CTDP1: variants seen among roughly 807,000 people sequenced by gnomAD.
CTDP1 encodes the protein RNA polymerase II subunit A C-terminal domain phosphatase.
A neutral mutation model predicts 91.8 loss-of-function variants in CTDP1; 47 were observed. The ratio of observed to expected loss-of-function variants is 0.51; its 90% confidence interval spans 0.41 to 0.65. The LOEUF (loss-of-function observed/expected upper bound fraction) is 0.65, where lower values mean the gene tolerates loss of function less well. Among genes scored for constraint, CTDP1 ranks in the 30% least tolerant of loss-of-function variants. The pLI is 0.00. For missense variants in CTDP1, 1,272 were observed against 1,373.7 expected (o/e 0.93, Z 1.17); for synonymous variants, 656 against 598.5 (o/e 1.10, Z -1.40).
intron 12 of CTDP1, among the ~76,000 whole-genome samples, chr18:79,742,408 C>T (rs1048164462): frequency 2.0e-5 from 3 of 152,206 alleles, no homozygotes; most frequent in African/African-American, 7.2e-5. Context: ...ACCCAGGCCC[C>T]TGTATCCAGC....
chr18:79,736,420 G>C lies in CTDP1; in HGVS notation c.2646G>C (p.Gln882His), dbSNP rs2086667603. The C allele has an allele frequency of 4.5e-6, 7 of 1,549,366 alleles. No individual in the cohort carries two copies. The highest frequency in any genetic ancestry group is 6.1e-6 in the Non-Finnish European group (7 of 1,146,994). ...SDSEKRRPEE[Q>H]EEEPQPRKPG... is the part of the protein sequence containing the mutation. Reference sequence around the variant, plus strand: ...GCGAGAAGAGGAGGCCTGAGGAGCAGGAGGAGGAGCCCCAGCCCCGGAAGC... The same window carrying C: ...GCGAGAAGAGGAGGCCTGAGGAGCACGAGGAGGAGCCCCAGCCCCGGAAGC... The change falls in exon 12 of 13, where the codon CAG becomes CAC. Residue 882 changes from glutamine (Q) to histidine (H), a missense_variant. Physicochemically the swap from Gln to His is conservative, Grantham distance 24. Around this residue, in one of 3 missense-constraint regions of CTDP1, gnomAD observed 881 missense variants for 911.6 expected, o/e 0.97. Transcript: ENST00000613122.
intron 10 of CTDP1, among the ~76,000 whole-genome samples, chr18:79,728,003 G>T (rs1192043810): frequency 6.6e-6 from 1 of 152,204 alleles, no homozygotes; most frequent in African/African-American, 2.4e-5. Flanking sequence ...TTTGAACATA[G>T]CAGAAAGATC....
In CTDP1 at chr18:79,698,172, T is replaced by C. The variant is rs116739591; in HGVS notation, c.621+184T>C. Among the ~76,000 whole-genome samples, 2,878 of 152,340 alleles carry C rather than the reference T, an allele frequency of 0.019. 100 individuals are homozygous for C. Among genetic ancestry groups the C allele is most frequent in the African/African-American group, 0.065 (2,718 of 41,570 alleles). On this transcript the variant is annotated intron_variant, in intron 4 of 12. Coordinates refer to ENST00000613122, the MANE Select transcript of CTDP1 (RefSeq NM_004715.5). ...TGGGCTGTTGGGGAGCATCCGCGGC[T>C]CCCGGGCAGACATCCCGACGCCCAC...
intron 8 of CTDP1, among the ~76,000 whole-genome samples, chr18:79,716,184 C>G (rs2086204861): frequency 2.0e-5 from 3 of 152,178 alleles, no homozygotes; most frequent in African/African-American, 7.2e-5. Context: ...ATGAAGATTG[C>G]GGTTTTTCTC....
intron 6 of CTDP1, among the ~76,000 whole-genome samples, chr18:79,712,634 G>A (rs949425464): frequency 1.3e-5 from 2 of 152,212 alleles, no homozygotes; most frequent in Admixed American, 1.3e-4. Flanking sequence ...ACCCAGCCTT[G>A]TTTGTACATG....
At chr18:79,719,029 G>C (rs755653444) in intron 10 of CTDP1, among the ~76,000 whole-genome samples, 4 of 152,206 alleles carry the variant, frequency 2.6e-5, no homozygotes, top group Non-Finnish European at 5.9e-5. Flanking sequence ...TCAGGAGCAG[G>C]GGTGGCCAGG....
In CTDP1 at chr18:79,715,132, TCA is replaced by T; in HGVS notation, c.1675_1676del (p.Gln559GlufsTer11). 1.2e-6 allele frequency: 2 copies of T among 1,613,258 alleles called. No homozygotes were observed. Among genetic ancestry groups the T allele is most frequent in the Non-Finnish European group, 1.7e-6 (2 of 1,179,894 alleles). On this transcript the variant is annotated frameshift_variant, in exon 8 of 13. Coordinates refer to ENST00000613122, the MANE Select transcript of CTDP1 (RefSeq NM_004715.5). LOFTEE classifies it high-confidence loss of function. Reference sequence around the variant, plus strand: ...CGACAGGAAGGAGGCGGAGACCGAGTCACAGAACAGCGAGCTGTCGGGGGTCA... The same window carrying T: ...CGACAGGAAGGAGGCGGAGACCGAGTCAGAACAGCGAGCTGTCGGGGGTCA... ...CADRKEAETESQNSELSGVTA... is the reference protein window; with the variant it reads ...CADRKEAETEXQNSELSGVTA...
At chr18:79,738,178 C>A (rs935983020) in intron 12 of CTDP1, among the ~76,000 whole-genome samples, 4 of 152,212 alleles carry the variant, frequency 2.6e-5, no homozygotes, top group Admixed American at 1.3e-4. Context: ...GCTGCGTAAC[C>A]CCAGGTGGCA....
intron 2 of CTDP1, 24 bp from the exon 3 acceptor site, chr18:79,695,953 C>A: frequency 6.2e-7 from 1 of 1,606,596 alleles, no homozygotes; most frequent in Non-Finnish European, 8.5e-7. Flanking sequence ...GCTGAAAGCC[C>A]TGAACCTGTC....
At chr18:79,734,788 A>G (rs2086633637) in intron 11 of CTDP1, among the ~76,000 whole-genome samples, 1 of 152,212 alleles carries the variant, frequency 6.6e-6, no homozygotes, top group South Asian at 2.1e-4. Flanking sequence ...CGAAACAGTA[A>G]ATTCAGTGAT....
chr18:79,681,021 C>T (rs2085353740), intron 1 of CTDP1: 1 of 152,294 alleles, frequency 6.6e-6, no homozygotes, highest in Admixed American at 6.5e-5. Flanking sequence ...GAGGTGGACA[C>T]TCCAGCCCGC....
intron 4 of CTDP1, among the ~76,000 whole-genome samples, chr18:79,704,557 T>C (rs1385627996): frequency 1.3e-5 from 2 of 152,130 alleles, no homozygotes; most frequent in African/African-American, 4.8e-5. Flanking sequence ...CTCTGTCCCA[T>C]GTGGAGGGAT....
At chr18:79,712,780 A>G (rs1031009292) in intron 6 of CTDP1, among the ~76,000 whole-genome samples, 192 bp from the exon 7 acceptor site, 2 of 152,224 alleles carry the variant, frequency 1.3e-5, no homozygotes, top group African/African-American at 4.8e-5. Flanking sequence ...AATCGGAAAC[A>G]GCACTGAAGA....
intron 10 of CTDP1, among the ~76,000 whole-genome samples, chr18:79,723,187 G>A (rs567560092): frequency 3.3e-5 from 5 of 152,222 alleles, no homozygotes; most frequent in East Asian, 1.9e-4. Context: ...CCTGTCTCAC[G>A]GAGGGTCCCA....
rs865987084 is a variant in CTDP1, at chr18:79,737,679, G to A, written c.2747+1158G>A. Among the ~76,000 whole-genome samples the A allele has an allele frequency of 3.3e-5, 5 of 152,238 alleles. No individual in the cohort carries two copies. The South Asian group carries it at 1.0e-3, about 32-fold the overall frequency. The stretch of plus-strand genomic sequence containing the variant: ...GTGAAAGGCAGCCACCTCACTGCCC[G>A]GTTCTGGGTGGTGGCGGAGACCTGC... On this transcript the variant is annotated intron_variant, in intron 12 of 12. Transcript: ENST00000613122.
At chr18:79,723,005 C>G (rs1324983493) in intron 10 of CTDP1, among the ~76,000 whole-genome samples, 2 of 152,222 alleles carry the variant, frequency 1.3e-5, no homozygotes, top group African/African-American at 4.8e-5. Flanking sequence ...TGGCGCCTGC[C>G]CAGTTCCCTG....
chr18:79,720,076 C>T (rs1182895315), intron 10 of CTDP1, among the ~76,000 whole-genome samples: 6 of 139,920 alleles, frequency 4.3e-5, no homozygotes, highest in South Asian at 2.4e-4. Flanking sequence ...TGTCACCTCC[C>T]ATCGTGTCCT....
chr18:79,724,416 C>T (rs888059266), intron 10 of CTDP1, among the ~76,000 whole-genome samples: 4 of 152,206 alleles, frequency 2.6e-5, no homozygotes, highest in Non-Finnish European at 4.4e-5. Flanking sequence ...GGAATACCTG[C>T]ATCATCATTT....
At chr18:79,723,765 C>T (rs1157433867) in intron 10 of CTDP1, among the ~76,000 whole-genome samples, 1 of 152,230 alleles carries the variant, frequency 6.6e-6, no homozygotes, top group Non-Finnish European at 1.5e-5. Flanking sequence ...TGCGGCCCTT[C>T]ATGGCCTCAG....
Sources: gnomAD v4.1 joint callset for allele counts (sites outside exome capture counted in the v4.1 genomes callset) on GRCh38, gnomAD v4.1.1 for gene constraint, gnomAD v4.1.1 regional missense constraint, MANE v1.5 for transcripts, NCBI Gene and HGNC (gene_info 2026-07-23, HGNC 2026-07-21) for gene names.